Variants in TTC27 observed in about 807,000 individuals in gnomAD.
The protein encoded by TTC27 is tetratricopeptide repeat domain 27.
In TTC27, 79 loss-of-function variants were observed where a neutral mutation model predicts 115.9. The observed-to-expected ratio is 0.68, with a 90% CI of 0.57 to 0.82. The LOEUF is 0.82. TTC27 is among the 40% of genes least tolerant of loss of function. The pLI, the probability that TTC27 is intolerant of heterozygous loss-of-function variation, is 0.00. For synonymous variants in TTC27, 401 were observed against 356.0 expected (o/e 1.13, Z -1.42); for missense variants, 1,054 against 993.1 (o/e 1.06, Z -0.82).
At chr2:32,636,509 G>T (rs1664435241) in intron 3 of TTC27, among the ~76,000 whole-genome samples, 2 of 152,140 alleles carry the variant, frequency 1.3e-5, no homozygotes, top group African/African-American at 4.8e-5. Context: ...CACTGCGCCT[G>T]GCCTTAATTC....
At chr2:32,771,002 T>A (rs527762351) in intron 13 of TTC27, among the ~76,000 whole-genome samples, 2 of 152,274 alleles carry the variant, frequency 1.3e-5, no homozygotes, top group South Asian at 4.1e-4. Flanking sequence ...AGTCTTAAGG[T>A]GTAACTTGCA....
chr2:32,639,940 A>C (rs753019089), intron 3 of TTC27, among the ~76,000 whole-genome samples: 2 of 152,340 alleles, frequency 1.3e-5, no homozygotes, highest in Admixed American at 6.5e-5. Flanking sequence ...TGGAAGTTGC[A>C]GTGAGCCAAG....
At chr2:32,653,005 A>G (rs1421918683) in intron 5 of TTC27, among the ~76,000 whole-genome samples, 1 of 152,198 alleles carries the variant, frequency 6.6e-6, no homozygotes, top group Non-Finnish European at 1.5e-5. Context: ...CTATAATAGG[A>G]GTAGGTCAGA....
At chr2:32,815,038 T>C (rs1055806286) in intron 18 of TTC27, among the ~76,000 whole-genome samples, 28 of 152,120 alleles carry the variant, frequency 1.8e-4, no homozygotes, top group Admixed American at 1.8e-3. Flanking sequence ...GGCCTCCCTA[T>C]AACAATGTCA....
chr2:32,697,108 C>T (rs555100220), intron 9 of TTC27, among the ~76,000 whole-genome samples: 22 of 151,946 alleles, frequency 1.4e-4, no homozygotes, highest in Non-Finnish European at 1.2e-4. Flanking sequence ...AGGAGAATCA[C>T]TTGAGCCTGG....
chr2:32,758,228 G>A, intron 12 of TTC27, 64 bp from the exon 13 acceptor site: 1 of 1,430,010 alleles, frequency 7.0e-7, no homozygotes, highest in Non-Finnish European at 9.7e-7. Context: ...AGATGTATAT[G>A]TGCTAAAAAA....
intron 12 of TTC27, among the ~76,000 whole-genome samples, chr2:32,745,292 TC>T (rs1420641120): frequency 6.6e-6 from 1 of 152,148 alleles, no homozygotes; most frequent in Non-Finnish European, 1.5e-5. Context: ...GATGATATCA[TC>T]AGGACTTTTT....
At chr2:32,683,309 T>C (rs190234082) in intron 9 of TTC27, among the ~76,000 whole-genome samples, 3 of 152,224 alleles carry the variant, frequency 2.0e-5, no homozygotes, top group Non-Finnish European at 4.4e-5. Context: ...TTAATACTCC[T>C]ACCAGAAGTC....
At chr2:32,651,791 A>C (rs566310060) in intron 5 of TTC27, among the ~76,000 whole-genome samples, 2 of 152,340 alleles carry the variant, frequency 1.3e-5, no homozygotes, top group African/African-American at 4.8e-5. Flanking sequence ...AAATACATAA[A>C]CATATGCTAA....
At chr2:32,641,950 G>A (rs1462346626) in intron 4 of TTC27, among the ~76,000 whole-genome samples, 1 of 152,172 alleles carries the variant, frequency 6.6e-6, no homozygotes, top group Non-Finnish European at 1.5e-5. Context: ...CCACCTCCTG[G>A]GTTCACACCA....
chr2:32,634,342 T>A (rs1664330495), intron 3 of TTC27, among the ~76,000 whole-genome samples: 1 of 151,954 alleles, frequency 6.6e-6, no homozygotes, highest in Non-Finnish European at 1.5e-5. Flanking sequence ...TCATCCAGGC[T>A]GTTGTACAGT....
intron 18 of TTC27, among the ~76,000 whole-genome samples, chr2:32,812,816 G>T (rs1463853794): frequency 6.6e-6 from 1 of 152,188 alleles, no homozygotes; most frequent in African/African-American, 2.4e-5. Context: ...GAAGAAACAG[G>T]ATAGAGGCTT....
intron 10 of TTC27, among the ~76,000 whole-genome samples, chr2:32,706,934 G>A (rs2151903399): frequency 6.6e-6 from 1 of 152,284 alleles, no homozygotes; most frequent in Non-Finnish European, 1.5e-5. Context: ...TCTTTTGCAG[G>A]TTGGAGAGGC....
chr2:32,816,108 T>G (rs1291085904), intron 18 of TTC27, among the ~76,000 whole-genome samples: 1 of 151,988 alleles, frequency 6.6e-6, no homozygotes, highest in African/African-American at 2.4e-5. Flanking sequence ...AGGAGTTCAA[T>G]ATCAGCCTGA....
intron 11 of TTC27, among the ~76,000 whole-genome samples, chr2:32,734,697 T>G (rs1165459179): frequency 6.6e-6 from 1 of 152,140 alleles, no homozygotes; most frequent in African/African-American, 2.4e-5. Context: ...GAGGAGAAAT[T>G]GAGGCTCGGT....
At chr2:32,730,056 C>CA (rs1402241583) in intron 10 of TTC27, among the ~76,000 whole-genome samples, 1 of 152,150 alleles carries the variant, frequency 6.6e-6, no homozygotes, top group East Asian at 1.9e-4. Context: ...CATTCATGCA[C>CA]ATAAATACCT....
chr2:32,641,175 C>T (rs553991442), intron 4 of TTC27, among the ~76,000 whole-genome samples: 1 of 152,084 alleles, frequency 6.6e-6, no homozygotes, highest in Non-Finnish European at 1.5e-5. Flanking sequence ...TGTTAAATAT[C>T]TATTATATGG....
intron 12 of TTC27, among the ~76,000 whole-genome samples, chr2:32,737,703 T>G (rs1454793355): frequency 1.3e-5 from 2 of 152,106 alleles, no homozygotes; most frequent in East Asian, 1.9e-4. Context: ...GAACAAAGTT[T>G]TACTGTGGAA....
At chr2:32,730,759 T>C (rs979889128) in intron 10 of TTC27, among the ~76,000 whole-genome samples, 1 of 151,732 alleles carries the variant, frequency 6.6e-6, no homozygotes, top group African/African-American at 2.4e-5. Context: ...GTAGCTGGGA[T>C]TACAGGCCTG....
Sources: allele counts gnomAD v4.1 joint callset (sites outside exome capture counted in the v4.1 genomes callset), GRCh38; gene constraint gnomAD v4.1.1; transcripts MANE v1.5; gene names NCBI Gene and HGNC (gene_info 2026-07-23, HGNC 2026-07-21).